RASGRF2: variants seen among roughly 807,000 people sequenced by gnomAD.
The protein encoded by RASGRF2 is ras-specific guanine nucleotide-releasing factor 2.
In RASGRF2, 76 loss-of-function variants were observed where a neutral mutation model predicts 151.0. The observed-to-expected ratio is 0.50, with a 90% CI of 0.42 to 0.61. The LOEUF (loss-of-function observed/expected upper bound fraction) is 0.61. RASGRF2 is among the 20% of genes least tolerant of loss of function. The pLI is 0.00. For synonymous variants in RASGRF2, 504 were observed against 566.5 expected (o/e 0.89, Z 1.57); for missense variants, 1,148 against 1,564.6 (o/e 0.73, Z 4.49).
intron 2 of RASGRF2, among the ~76,000 whole-genome samples, chr5:81,056,283 C>A (rs565574183): frequency 3.2e-4 from 49 of 152,308 alleles, no homozygotes; most frequent in African/African-American, 1.2e-3. Context: ...AAATTTCCCT[C>A]TACACACTGC....
chr5:81,098,595 AAGG>A (rs752050992), intron 12 of RASGRF2, among the ~76,000 whole-genome samples: 2 of 152,328 alleles, frequency 1.3e-5, no homozygotes, highest in East Asian at 1.9e-4. Context: ...AAAACGTGTC[AAGG>A]AGGAGGGAGT....
At chr5:81,206,809 T>A (rs187063127) in intron 19 of RASGRF2, 36 bp from the exon 20 acceptor site, 37 of 1,562,768 alleles carry the variant, frequency 2.4e-5, no homozygotes, top group Non-Finnish European at 3.5e-6. Flanking sequence ...TTGTCTATTT[T>A]TTCTTTCATG....
chr5:81,032,676 C>A (rs1192880549), intron 1 of RASGRF2, among the ~76,000 whole-genome samples: 1 of 152,068 alleles, frequency 6.6e-6, no homozygotes, highest in Non-Finnish European at 1.5e-5. Context: ...TATGACAAAC[C>A]CACAGCCAAT....
intron 1 of RASGRF2, among the ~76,000 whole-genome samples, chr5:80,973,157 G>A (rs1015526736): frequency 5.3e-5 from 8 of 152,128 alleles, no homozygotes; most frequent in African/African-American, 1.9e-4. Context: ...GCAGGAACTG[G>A]GCCTCTCCCC....
At chr5:81,017,475 C>G (rs1292959592) in intron 1 of RASGRF2, among the ~76,000 whole-genome samples, 1 of 152,176 alleles carries the variant, frequency 6.6e-6, no homozygotes, top group African/African-American at 2.4e-5. Flanking sequence ...GTGCCCATGG[C>G]AAGGCCTCTG....
Position 81,227,917 on chromosome 5 carries a change from A to G in RASGRF2, c.*2147A>G, listed in dbSNP as rs973520766. On this transcript the variant is annotated 3_prime_UTR_variant, in exon 27 of 27. Coordinates refer to ENST00000265080, the MANE Select transcript of RASGRF2 (RefSeq NM_006909.3). ...CAAATGTTCCAGAGACACTGCAGCC[A>G]TTCTTATTAACAAAAAATAAGACAG... 1 of 152,194 alleles carries G rather than the reference A, an allele frequency of 6.6e-6. No homozygotes were observed. The highest frequency in any genetic ancestry group is 2.4e-5 in the African/African-American group (1 of 41,444). The allele number at this position is 152,194 out of a possible 1,614,324, so 9.4% of individuals were successfully genotyped here. A position where few individuals can be genotyped will look rare whatever the true frequency, so the allele number is the denominator to read the frequency against.
intron 17 of RASGRF2, among the ~76,000 whole-genome samples, chr5:81,145,013 C>T (rs1025239775): frequency 2.0e-5 from 3 of 152,104 alleles, no homozygotes; most frequent in African/African-American, 4.8e-5. Context: ...GCTGAGGCAG[C>T]GGGAGGATCA....
At chr5:81,153,753 T>C (rs930597545) in intron 17 of RASGRF2, among the ~76,000 whole-genome samples, 3 of 151,888 alleles carry the variant, frequency 2.0e-5, no homozygotes, top group Non-Finnish European at 2.9e-5. Flanking sequence ...AAAATGCAAA[T>C]CAAAAGGTAA....
At chr5:81,143,462 A>C (rs532082819) in intron 17 of RASGRF2, among the ~76,000 whole-genome samples, 6 of 152,298 alleles carry the variant, frequency 3.9e-5, no homozygotes, top group African/African-American at 1.4e-4. Context: ...AAAAAATACA[A>C]ATTTTTTAAT....
chr5:81,104,311 GTCTATA>G (rs1209981217), intron 12 of RASGRF2, among the ~76,000 whole-genome samples: 4 of 151,842 alleles, frequency 2.6e-5, no homozygotes, highest in Admixed American at 6.6e-5. Flanking sequence ...ATAAATAAAA[GTCTATA>G]TCTATTCATT....
rs1473057232 is a variant in RASGRF2, at chr5:81,226,866, G to T, written c.*1096G>T. On this transcript the variant is annotated 3_prime_UTR_variant, in exon 27 of 27. Coordinates refer to ENST00000265080, the MANE Select transcript of RASGRF2 (RefSeq NM_006909.3). The stretch of plus-strand genomic sequence containing the variant: ...AAAACTGATGTTGAGAGATCTCTGA[G>T]AATATTATAAGTGCATGGGAAATGG... The T allele has an allele frequency of 2.0e-5, 3 of 152,138 alleles. No homozygotes were observed. The highest frequency in any genetic ancestry group is 7.2e-5 in the African/African-American group (3 of 41,414). 9.4% of individuals were successfully genotyped at this position (152,138 alleles called of 1,614,324 possible).
At chr5:81,021,571 T>A (rs1401317702) in intron 1 of RASGRF2, among the ~76,000 whole-genome samples, 7 of 152,076 alleles carry the variant, frequency 4.6e-5, no homozygotes. Flanking sequence ...TGTGTGTGTG[T>A]GTGTGTGTGT....
chr5:81,128,410 CAAAT>C (rs1336223329), intron 17 of RASGRF2, among the ~76,000 whole-genome samples: 2 of 152,114 alleles, frequency 1.3e-5, no homozygotes, highest in African/African-American at 2.4e-5. Context: ...AAAAAATAAT[CAAAT>C]AAATAAATAA....
intron 23 of RASGRF2, among the ~76,000 whole-genome samples, chr5:81,214,011 T>G (rs1168839862): frequency 6.6e-6 from 1 of 152,166 alleles, no homozygotes; most frequent in Non-Finnish European, 1.5e-5. Context: ...AACTAGGAAA[T>G]GAACATTGGT....
intron 4 of RASGRF2, 121 bp from the exon 5 acceptor site, chr5:81,073,078 T>C: frequency 8.2e-7 from 1 of 1,224,006 alleles, no homozygotes; most frequent in Admixed American, 2.6e-5. Flanking sequence ...GGAATCCTTA[T>C]CAATTTTAGA....
chr5:80,967,304 C>T (rs1747753949), intron 1 of RASGRF2, among the ~76,000 whole-genome samples: 1 of 152,166 alleles, frequency 6.6e-6, no homozygotes, highest in African/African-American at 2.4e-5. Context: ...AGGAGAATCA[C>T]TTGAACCTGG....
At chr5:81,118,246 T>C (rs1753213186) in intron 15 of RASGRF2, among the ~76,000 whole-genome samples, 1 of 152,232 alleles carries the variant, frequency 6.6e-6, no homozygotes, top group African/African-American at 2.4e-5. Flanking sequence ...GAAATCTAGG[T>C]GAAGGAAGCT....
At chr5:80,965,875 A>G (rs550094817) in intron 1 of RASGRF2, among the ~76,000 whole-genome samples, 1 of 152,294 alleles carries the variant, frequency 6.6e-6, no homozygotes, top group South Asian at 2.1e-4. Context: ...GCAGTTTTCA[A>G]TACTACTTAA....
intron 1 of RASGRF2, among the ~76,000 whole-genome samples, chr5:80,991,905 G>T (rs77946653): frequency 4.6e-5 from 7 of 152,180 alleles, no homozygotes; most frequent in Non-Finnish European, 1.0e-4. Context: ...GTAAGAAAGT[G>T]CTGCCATGGC....
Sources: allele counts gnomAD v4.1 joint callset (sites outside exome capture counted in the v4.1 genomes callset), GRCh38; gene constraint gnomAD v4.1.1; transcripts MANE v1.5; gene names NCBI Gene and HGNC (gene_info 2026-07-23, HGNC 2026-07-21).